The following CDH13 variants were observed in gnomAD, a reference collection of about 807,000 sequenced individuals.
CDH13 encodes cadherin 13.
Under a neutral mutation model 63.8 loss-of-function variants are expected in CDH13, and 24 were observed. The observed-to-expected ratio is 0.38, with a 90% CI of 0.27 to 0.53. The LOEUF (loss-of-function observed/expected upper bound fraction) is 0.53. CDH13 is among the 20% of genes least tolerant of loss of function. The probability of loss-of-function intolerance (pLI) is 0.85; values close to 1 mark genes in which losing one functional copy is unlikely to be tolerated. For missense variants in CDH13, 1,049 were observed against 903.1 expected (o/e 1.16, Z -2.07); for synonymous variants, 503 against 355.3 (o/e 1.42, Z -4.67).
chr16:82,718,262 A>G (rs2032522574), intron 1 of CDH13, among the ~76,000 whole-genome samples: 1 of 152,172 alleles, frequency 6.6e-6, no homozygotes, highest in Non-Finnish European at 1.5e-5. Flanking sequence ...GACCTGGGGT[A>G]TTTATCTACC....
At chr16:83,761,904 T>C (rs1397069912) in intron 11 of CDH13, among the ~76,000 whole-genome samples, 1 of 151,926 alleles carries the variant, frequency 6.6e-6, no homozygotes, top group Non-Finnish European at 1.5e-5. Context: ...CCTTCTCTAC[T>C]AAAAATACAA....
chr16:82,756,989 G>C (rs115590210), intron 1 of CDH13, among the ~76,000 whole-genome samples: 1 of 152,018 alleles, frequency 6.6e-6, no homozygotes, highest in Non-Finnish European at 1.5e-5. Flanking sequence ...CTTTGTTGAC[G>C]ACTGACCTTT....
At chr16:83,672,409 C>CTTTGTTTTTTTTTTTT in intron 9 of CDH13, among the ~76,000 whole-genome samples, 1 of 35,108 alleles carries the variant, frequency 2.8e-5, no homozygotes, top group Non-Finnish European at 5.0e-5. Flanking sequence ...TCTGGATTCT[C>CTTTGTTTTTTTTTTTT]TTTTTTTTTT....
intron 6 of CDH13, among the ~76,000 whole-genome samples, chr16:83,366,346 T>G (rs535906598): frequency 2.6e-5 from 4 of 152,324 alleles, no homozygotes; most frequent in African/African-American, 7.2e-5. Context: ...TATGAATACT[T>G]TTGGTATGCG....
intron 7 of CDH13, among the ~76,000 whole-genome samples, chr16:83,532,344 G>A (rs1375507118): frequency 6.6e-6 from 1 of 152,130 alleles, no homozygotes; most frequent in African/African-American, 2.4e-5. Flanking sequence ...AGTTCCCATT[G>A]CACCTTGAAA....
At chr16:83,095,076 T>C (rs933890551) in intron 3 of CDH13, among the ~76,000 whole-genome samples, 1 of 152,190 alleles carries the variant, frequency 6.6e-6, no homozygotes, top group Admixed American at 6.5e-5. Context: ...AAAATTAACT[T>C]TATTGTCAAC....
intron 2 of CDH13, among the ~76,000 whole-genome samples, chr16:82,902,343 A>G (rs541516429): frequency 6.6e-6 from 1 of 152,160 alleles, no homozygotes; most frequent in East Asian, 1.9e-4. Flanking sequence ...ACAGAAATCA[A>G]TTTTGACTTG....
intron 5 of CDH13, among the ~76,000 whole-genome samples, chr16:83,233,255 T>A (rs757428295): frequency 1.3e-5 from 2 of 152,246 alleles, no homozygotes; most frequent in Admixed American, 1.3e-4. Context: ...GAGTCTGTTT[T>A]GCCCACAGGC....
At chr16:83,264,583 T>C (rs1907382689) in intron 5 of CDH13, among the ~76,000 whole-genome samples, 1 of 151,916 alleles carries the variant, frequency 6.6e-6, no homozygotes, top group Non-Finnish European at 1.5e-5. Flanking sequence ...TATGTGTATA[T>C]ATATATATGC....
chr16:82,699,182 A>T (rs2030690348), intron 1 of CDH13, among the ~76,000 whole-genome samples: 1 of 152,194 alleles, frequency 6.6e-6, no homozygotes, highest in Non-Finnish European at 1.5e-5. Flanking sequence ...CTCCCCTTTC[A>T]TATGGGGAGA....
At chr16:83,522,277 A>C (rs114684175) in intron 7 of CDH13, among the ~76,000 whole-genome samples, 7 of 152,312 alleles carry the variant, frequency 4.6e-5, no homozygotes, top group Admixed American at 1.3e-4. Context: ...TCACGTCAAA[A>C]TGTAGCCTGC....
chr16:82,637,930 C>T (rs1428705013), intron 1 of CDH13, among the ~76,000 whole-genome samples: 1 of 152,166 alleles, frequency 6.6e-6, no homozygotes, highest in East Asian at 1.9e-4. Context: ...TGAACTGAAT[C>T]CCTGTCTCAT....
intron 4 of CDH13, among the ~76,000 whole-genome samples, chr16:83,138,817 G>T (rs2036409092): frequency 6.6e-6 from 1 of 152,092 alleles, no homozygotes; most frequent in Admixed American, 6.5e-5. Context: ...ATCCAGGAGG[G>T]TGACGAAGGG....
chr16:82,654,532 T>C (rs1911081847), intron 1 of CDH13, among the ~76,000 whole-genome samples: 1 of 152,208 alleles, frequency 6.6e-6, no homozygotes, highest in Admixed American at 6.5e-5. Context: ...AACCTAATAA[T>C]GGCTTCCTTC....
rs542285427 is a variant in CDH13, at chr16:83,482,746, G to A, written c.782-3731G>A. On this transcript the variant is annotated intron_variant, in intron 6 of 13. Coordinates refer to ENST00000567109, the MANE Select transcript of CDH13 (RefSeq NM_001257.5). ...GGAGACATGGTGTAGACTACAGAATGTGTGTGTGCACGTGTGTGTGTGTTG... is the reference window on the plus strand; with the variant it reads ...GGAGACATGGTGTAGACTACAGAATATGTGTGTGCACGTGTGTGTGTGTTG... Among the ~76,000 whole-genome samples, 5 of 152,304 alleles carry A rather than the reference G, an allele frequency of 3.3e-5. No individual in the cohort carries two copies. The East Asian group carries it at 9.6e-4, about 29-fold the overall frequency.
At chr16:83,066,850 C>G (rs1027697094) in intron 3 of CDH13, among the ~76,000 whole-genome samples, 4 of 152,174 alleles carry the variant, frequency 2.6e-5, no homozygotes, top group Non-Finnish European at 5.9e-5. Context: ...AATCAGAAGG[C>G]TGCTTAGTGA....
intron 1 of CDH13, among the ~76,000 whole-genome samples, chr16:82,710,589 ATATT>A (rs139987165): frequency 0.23 from 29,948 of 129,674 alleles, 4,191 homozygotes; most frequent in Non-Finnish European, 0.3. Context: ...ATATATTTCT[ATATT>A]TATAAAATAT....
intron 2 of CDH13, among the ~76,000 whole-genome samples, chr16:82,962,592 A>C (rs1432238745): frequency 6.6e-6 from 1 of 152,190 alleles, no homozygotes; most frequent in Non-Finnish European, 1.5e-5. Context: ...CGGGAGTGGG[A>C]GTAGGAAGGT....
chr16:82,974,633 G>A (rs1271015537), intron 2 of CDH13, among the ~76,000 whole-genome samples: 1 of 152,158 alleles, frequency 6.6e-6, no homozygotes, highest in Non-Finnish European at 1.5e-5. Flanking sequence ...GACGATGTAA[G>A]TGGGCCCAGT....
Sources: allele counts gnomAD v4.1 joint callset (sites outside exome capture counted in the v4.1 genomes callset), GRCh38; gene constraint gnomAD v4.1.1; transcripts MANE v1.5; gene names NCBI Gene and HGNC (gene_info 2026-07-23, HGNC 2026-07-21).